PCDH9: variants seen among roughly 807,000 people sequenced by gnomAD.
PCDH9 encodes the protein protocadherin 9, also known as protocadherin-9.
In PCDH9, 24 loss-of-function variants were observed where a neutral mutation model predicts 70.6. The ratio of observed to expected loss-of-function variants is 0.34; its 90% CI spans 0.25 to 0.48. The LOEUF (loss-of-function observed/expected upper bound fraction) is 0.48. Ranked by LOEUF, PCDH9 falls within the 20% of genes least tolerant of loss-of-function variation. The pLI, the probability that PCDH9 is intolerant of heterozygous loss-of-function variation, is 0.99. For synonymous variants in PCDH9, 562 were observed against 558.5 expected, an observed-to-expected ratio of 1.01 and a Z score of -0.09; for missense variants, 1,281 against 1,503.6, an observed-to-expected ratio of 0.85 and a Z score of 2.45.
At chr13:66,652,117 A>C (rs1470341937) in intron 3 of PCDH9, among the ~76,000 whole-genome samples, 1 of 152,092 alleles carries the variant, frequency 6.6e-6, no homozygotes, top group Non-Finnish European at 1.5e-5. Flanking sequence ...CATCTTCATC[A>C]CTGTTATTCA....
At chr13:66,341,576 G>T (rs1044663546) in intron 4 of PCDH9, among the ~76,000 whole-genome samples, 1 of 152,128 alleles carries the variant, frequency 6.6e-6, no homozygotes, top group African/African-American at 2.4e-5. Flanking sequence ...ATCCACAAGT[G>T]ATTCCTATGC....
intron 2 of PCDH9, chr13:67,216,859 A>G (rs1441409584): frequency 6.6e-6 from 1 of 151,736 alleles, no homozygotes; most frequent in African/African-American, 2.4e-5. Context: ...TAGCCAGTCC[A>G]GGTGTGTTCC....
intron 4 of PCDH9, among the ~76,000 whole-genome samples, chr13:66,616,224 C>T (rs997499022): frequency 2.0e-5 from 3 of 152,174 alleles, no homozygotes; most frequent in Non-Finnish European, 4.4e-5. Flanking sequence ...GGATATAAAC[C>T]TGTGCTTGGG....
At chr13:66,748,204 G>GA (rs1299583800) in intron 3 of PCDH9, among the ~76,000 whole-genome samples, 1 of 152,118 alleles carries the variant, frequency 6.6e-6, no homozygotes, top group Admixed American at 6.5e-5. Context: ...ACTACTGTTA[G>GA]GAATATCAAA....
At chr13:66,850,573 A>C (rs557231275) in intron 3 of PCDH9, among the ~76,000 whole-genome samples, 1 of 152,204 alleles carries the variant, frequency 6.6e-6, no homozygotes, top group Non-Finnish European at 1.5e-5. Context: ...AAGACATTAA[A>C]CAACAAGGCA....
chr13:67,037,029 G>A (rs1176552762), intron 2 of PCDH9, among the ~76,000 whole-genome samples: 2 of 152,080 alleles, frequency 1.3e-5, no homozygotes, highest in Non-Finnish European at 2.9e-5. Flanking sequence ...CCCAGCACTA[G>A]GCTGGAGGAT....
chr13:67,136,184 A>C (rs2087227834), intron 2 of PCDH9, among the ~76,000 whole-genome samples: 1 of 152,118 alleles, frequency 6.6e-6, no homozygotes, highest in Admixed American at 6.6e-5. Flanking sequence ...ATTGCGTTAT[A>C]ATCGCCCATA....
At chr13:67,180,384 G>A (rs2088584036) in intron 2 of PCDH9, among the ~76,000 whole-genome samples, 1 of 151,866 alleles carries the variant, frequency 6.6e-6, no homozygotes, top group Admixed American at 6.6e-5. Flanking sequence ...ATGAGTCAAA[G>A]CTTTTATTAT....
intron 4 of PCDH9, among the ~76,000 whole-genome samples, chr13:66,425,043 T>C (rs1040493358): frequency 1.4e-4 from 21 of 152,006 alleles, no homozygotes; most frequent in Non-Finnish European, 2.4e-4. Context: ...AAGGCTAATA[T>C]TTCAGCTTAC....
rs1264330445 is a variant in PCDH9 at position 67,225,651 on chromosome 13, A to T, written c.2790T>A (p.Pro930=). ...WGPAPPTTFK[P]NSPDLAKHYK... is the part of the protein sequence containing the mutation. ...AGTGCTTGGCCAGGTCAGGACTGTT[A>T]GGCTTGAATGTTGTTGGAGGTGCCG... is the stretch of plus-strand genomic sequence containing the variant. Residue 930 remains proline, a synonymous_variant, in exon 2 of 5, where the codon CCT becomes CCA. Transcript: ENST00000377865. The T allele has an allele frequency of 6.8e-6, 11 of 1,614,104 alleles. 1 individual carries two copies. The East Asian group carries it at 2.5e-4, about 36-fold the overall frequency.
chr13:66,980,100 C>A (rs566614938), intron 2 of PCDH9, among the ~76,000 whole-genome samples: 3 of 151,938 alleles, frequency 2.0e-5, no homozygotes, highest in East Asian at 1.9e-4. Flanking sequence ...ATCTATCTAT[C>A]TATCTATCTA....
intron 4 of PCDH9, among the ~76,000 whole-genome samples, chr13:66,430,665 G>T (rs527636069): frequency 6.6e-6 from 1 of 152,022 alleles, no homozygotes; most frequent in South Asian, 2.1e-4. Context: ...TATTCACTCT[G>T]GGATAACAGT....
intron 3 of PCDH9, among the ~76,000 whole-genome samples, chr13:66,737,671 T>C (rs545938497): frequency 6.6e-6 from 1 of 152,302 alleles, no homozygotes; most frequent in East Asian, 1.9e-4. Flanking sequence ...GGGCAAGGCA[T>C]TGCCTCACCT....
Position 66,631,368 on chromosome 13 carries a change from T to C in PCDH9, c.3182A>G (p.Glu1061Gly). ...TCCTAGACCACTGTCACTGCAGCTT[T>C]CCTGGGAGCCATCAGGGAGATGAAA... ...VTFHLPDGSQ[E>G]SCSDSGLGDH... The change falls in exon 4 of 5, where the codon GAA becomes GGA. Residue 1061 changes from glutamate (E) to glycine (G), a missense_variant. This residue lies in a region of PCDH9 where 264 missense variants were observed against 278.8 expected (regional missense o/e 0.95). Transcript: ENST00000377865. 1 of 1,613,022 alleles carries C rather than the reference T, an allele frequency of 6.2e-7. No individual in the cohort carries two copies. Among genetic ancestry groups the C allele is most frequent in the South Asian group, 1.1e-5 (1 of 91,056 alleles).
intron 4 of PCDH9, among the ~76,000 whole-genome samples, chr13:66,571,960 A>G (rs2138745882): frequency 6.6e-6 from 1 of 152,218 alleles, no homozygotes; most frequent in East Asian, 1.9e-4. Context: ...GAATAATATT[A>G]ACTTTTAAAT....
intron 4 of PCDH9, among the ~76,000 whole-genome samples, chr13:66,347,800 T>C (rs1044192033): frequency 6.6e-6 from 1 of 152,178 alleles, no homozygotes; most frequent in Admixed American, 6.5e-5. Context: ...TCTCCCCATC[T>C]GCTTTCTTTA....
intron 4 of PCDH9, among the ~76,000 whole-genome samples, chr13:66,600,357 T>C (rs1362303235): frequency 6.6e-6 from 1 of 152,026 alleles, no homozygotes; most frequent in East Asian, 1.9e-4. Flanking sequence ...TGTCTCACAG[T>C]TGATATTATC....
At chr13:66,997,156 C>T (rs1332405279) in intron 2 of PCDH9, among the ~76,000 whole-genome samples, 1 of 152,116 alleles carries the variant, frequency 6.6e-6, no homozygotes, top group African/African-American at 2.4e-5. Flanking sequence ...CGTTCATTTG[C>T]ATTGCTATAA....
chr13:66,994,696 G>A (rs1328183908), intron 2 of PCDH9, among the ~76,000 whole-genome samples: 1 of 152,142 alleles, frequency 6.6e-6, no homozygotes, highest in Non-Finnish European at 1.5e-5. Flanking sequence ...AATGTTCAAA[G>A]CACAATTTTG....
Sources: gnomAD v4.1 joint callset for allele counts (sites outside exome capture counted in the v4.1 genomes callset) on GRCh38, gnomAD v4.1.1 for gene constraint, gnomAD v4.1.1 regional missense constraint, MANE v1.5 for transcripts, NCBI Gene and HGNC (gene_info 2026-07-23, HGNC 2026-07-21) for gene names.